The following MDN1 variants were observed in gnomAD, a reference collection of about 807,000 sequenced individuals.
MDN1 encodes the protein midasin.
A neutral mutation model predicts 669.2 loss-of-function variants in MDN1; 266 were observed. The observed-to-expected ratio is 0.40, with a 90% CI of 0.36 to 0.44. MDN1 has a LOEUF of 0.44. Among genes scored for constraint, MDN1 ranks in the 20% least tolerant of loss-of-function variants. MDN1 has a pLI of 1.00. For missense variants in MDN1, 5,940 were observed against 6,754.0 expected (o/e 0.88, Z 4.22); for synonymous variants, 2,385 against 2,457.1 (o/e 0.97, Z 0.87).
At chr6:89,773,265 A>G (rs1818196163) in intron 13 of MDN1, among the ~76,000 whole-genome samples, 1 of 152,152 alleles carries the variant, frequency 6.6e-6, no homozygotes, top group Non-Finnish European at 1.5e-5. Flanking sequence ...CACAAGGCAG[A>G]GCATGGTGGC....
Position 89,758,344 on chromosome 6 carries a change from C to G in MDN1, c.2613G>C (p.Leu871=). 6.2e-7 allele frequency: 1 copy of G among 1,607,122 alleles called. No individual in the cohort carries two copies. The highest frequency in any genetic ancestry group is 1.3e-5 in the African/African-American group (1 of 75,000). The part of the protein sequence containing the change: ...VLLDRGDTEP[L]VRHPDFRLFA... ...ATAAACGGAAGTCAGGATGCCGAACCAGTGGCTCTGTTAAGAGAAAATTAC... is the reference window on the plus strand; with the variant it reads ...ATAAACGGAAGTCAGGATGCCGAACGAGTGGCTCTGTTAAGAGAAAATTAC... The change falls in exon 19 of 102, where the codon CTG becomes CTC. Residue 871 remains leucine (L), a synonymous_variant. Transcript: ENST00000369393.
At chr6:89,805,034 C>CAAAAAAAA (rs34538984) in intron 1 of MDN1, among the ~76,000 whole-genome samples, 1 of 58,514 alleles carries the variant, frequency 1.7e-5, no homozygotes, top group Non-Finnish European at 2.9e-5. Flanking sequence ...GACTCCGTCT[C>CAAAAAAAA]AAAAAAAAAA....
intron 37 of MDN1, among the ~76,000 whole-genome samples, chr6:89,726,194 C>T (rs1584273200): frequency 6.6e-6 from 1 of 152,066 alleles, no homozygotes; most frequent in East Asian, 1.9e-4. Flanking sequence ...GGAGTGGTGG[C>T]TCATGCCTGT....
Position 89,718,476 on chromosome 6 carries a change from C to T in MDN1, c.6473G>A (p.Cys2158Tyr). ...SHFLLTYKPK[C>Y]LGEGGKAITM... ...GATAGCTTTACCACCTTCTCCAAGA[C>T]ACTTAGGCTTATATGTCAGAAGAAA... Residue 2158 changes from cysteine to tyrosine, a missense_variant, in exon 43 of 102, where the codon TGT (cysteine) becomes TAT (tyrosine). Transcript: ENST00000369393. 1.9e-6 allele frequency: 3 copies of T among 1,614,116 alleles called. No individual in the cohort carries two copies. Among genetic ancestry groups the T allele is most frequent in the Non-Finnish European group, 2.5e-6 (3 of 1,180,020 alleles).
At chr6:89,754,938 TTTTCAAAATA>T (rs1346270467) in intron 20 of MDN1, among the ~76,000 whole-genome samples, 4 of 152,104 alleles carry the variant, frequency 2.6e-5, no homozygotes, top group Non-Finnish European at 5.9e-5. Flanking sequence ...TTTCAAAATA[TTTTCAAAATA>T]TTTCAAAATA....
At chr6:89,750,857 C>T (rs1238317226) in intron 23 of MDN1, among the ~76,000 whole-genome samples, 3 of 152,074 alleles carry the variant, frequency 2.0e-5, no homozygotes, top group African/African-American at 7.2e-5. Flanking sequence ...ACCGCCTTGG[C>T]CTCCCACAGT....
intron 4 of MDN1, 47 bp from the exon 5 acceptor site, chr6:89,794,001 C>T (rs1219619341): frequency 5.3e-6 from 8 of 1,512,640 alleles, no homozygotes; most frequent in Non-Finnish European, 7.3e-6. Flanking sequence ...CTCAGAAATG[C>T]TATCGCAAGA....
chr6:89,687,545 T>TA (rs1208773778), intron 67 of MDN1, 107 bp from the exon 68 acceptor site: 4 of 824,168 alleles, frequency 4.9e-6, no homozygotes, highest in Admixed American at 2.3e-5. Flanking sequence ...ACTGGGCCCT[T>TA]AAACAACTTG....
chr6:89,812,304 G>A (rs1271395682), intron 1 of MDN1, among the ~76,000 whole-genome samples: 1 of 151,902 alleles, frequency 6.6e-6, no homozygotes, highest in East Asian at 2.0e-4. Context: ...ATTTTTATTG[G>A]CCGGGTGTGG....
At position 89,723,556 on chromosome 6, in the gene MDN1, T is replaced by C. The variant is rs1814985592; in HGVS notation, c.5734A>G (p.Ile1912Val). The C allele has an allele frequency of 6.2e-7, 1 of 1,604,134 alleles. No individual in the cohort carries two copies. The highest frequency in any genetic ancestry group is 1.3e-5 in the African/African-American group (1 of 74,666). Residue 1912 changes from isoleucine to valine, a missense_variant, in exon 39 of 102, where the codon ATT becomes GTT. Coordinates refer to ENST00000369393, the MANE Select transcript of MDN1 (RefSeq NM_014611.3). ...EFIASTLFPA[I>V]EKNIVKKMVA... ...ATTTTCTTAACAATATTTTTCTCAA[T>C]GGCTGGAAACAAAGTACTGGCAATG... is the stretch of plus-strand genomic sequence containing the variant.
intron 80 of MDN1, among the ~76,000 whole-genome samples, chr6:89,673,009 G>A (rs1172882405): frequency 6.6e-6 from 1 of 152,218 alleles, no homozygotes; most frequent in East Asian, 1.9e-4. Flanking sequence ...CAGACAGTGA[G>A]CTGATGCTGC....
At chr6:89,731,279 C>T (rs1815576070) in intron 34 of MDN1, among the ~76,000 whole-genome samples, 1 of 152,156 alleles carries the variant, frequency 6.6e-6, no homozygotes, top group Non-Finnish European at 1.5e-5. Context: ...TTAAAATATT[C>T]AGGCCCATTA....
chr6:89,654,113 C>T (rs1809079219), intron 93 of MDN1, 51 bp downstream of exon 93: 1 of 1,600,080 alleles, frequency 6.2e-7, no homozygotes, highest in East Asian at 2.2e-5. Flanking sequence ...AGAGAACTGA[C>T]TACTTCAAGT....
chr6:89,778,058 T>C (rs1203372816), intron 11 of MDN1, among the ~76,000 whole-genome samples: 1 of 152,192 alleles, frequency 6.6e-6, no homozygotes, highest in Non-Finnish European at 1.5e-5. Flanking sequence ...AAATTGTCTC[T>C]GTCTAGGCAG....
At chr6:89,700,398 C>A (rs2128309668) in intron 56 of MDN1, 104 bp from the exon 57 acceptor site, 1 of 904,752 alleles carries the variant, frequency 1.1e-6, no homozygotes, top group South Asian at 1.6e-5. Context: ...TTGAGCTAAT[C>A]AGAGTTAAGC....
rs777166604 is a variant in MDN1 at position 89,680,618 on chromosome 6, C to T, written c.12236G>A (p.Arg4079His). The change falls in exon 74 of 102, where the codon CGC (arginine) becomes CAC (histidine). Residue 4079 changes from arginine (R) to histidine (H), a missense_variant. Coordinates refer to ENST00000369393, the MANE Select transcript of MDN1 (RefSeq NM_014611.3). ...LTFMKESPLP[R>H]LVEGLDQFTG... ...GAACTGATCAAGGCCCTCCACAAGG[C>T]GAGGCAGGGGGCTCTCCTTCATGAA... is the stretch of plus-strand genomic sequence containing the variant. 19 of 1,614,044 alleles carry T rather than the reference C, an allele frequency of 1.2e-5. No homozygotes were observed. Among genetic ancestry groups the T allele is most frequent in the South Asian group, 3.3e-5 (3 of 91,074 alleles).
At chr6:89,678,788 TC>T in intron 74 of MDN1, 43 bp from the exon 75 acceptor site, 1 of 1,581,646 alleles carries the variant, frequency 6.3e-7, no homozygotes, top group Non-Finnish European at 8.6e-7. Flanking sequence ...AATAAGAAAA[TC>T]CCAGGGGTCT....
intron 1 of MDN1, among the ~76,000 whole-genome samples, chr6:89,812,942 ATT>A (rs201857636): frequency 2.8e-5 from 4 of 144,290 alleles, no homozygotes; most frequent in Admixed American, 6.9e-5. Flanking sequence ...CTCTACAAAA[ATT>A]TTTTTTTTTT....
intron 11 of MDN1, among the ~76,000 whole-genome samples, chr6:89,777,447 T>C (rs1391840012): frequency 6.6e-6 from 1 of 152,242 alleles, no homozygotes; most frequent in Non-Finnish European, 1.5e-5. Flanking sequence ...ATTTAGTTTA[T>C]AGTTTAACTT....
Sources: allele counts gnomAD v4.1 joint callset (sites outside exome capture counted in the v4.1 genomes callset), GRCh38; gene constraint gnomAD v4.1.1; transcripts MANE v1.5; gene names NCBI Gene and HGNC (gene_info 2026-07-23, HGNC 2026-07-21).